The following RREB1 variants were observed in gnomAD, a reference collection of about 807,000 sequenced individuals.
RREB1 encodes ras responsive element binding protein 1, also known as ras-responsive element-binding protein 1.
RREB1 carries 27 observed loss-of-function variants against 117.8 expected under a neutral mutation model. The observed-to-expected ratio is 0.23, with a 90% CI of 0.17 to 0.32. RREB1 has a LOEUF of 0.32. Among genes scored for constraint, RREB1 ranks in the 10% least tolerant of loss-of-function variants. The probability of loss-of-function intolerance (pLI) is 1.00; values close to 1 mark genes in which losing one functional copy is unlikely to be tolerated. For synonymous variants in RREB1, 1,298 were observed against 1,026.7 expected (o/e 1.26, Z -5.05); for missense variants, 2,577 against 2,378.2 (o/e 1.08, Z -1.74).
intron 8 of RREB1, among the ~76,000 whole-genome samples, chr6:7,224,751 C>A (rs1182961450): frequency 2.6e-5 from 4 of 152,154 alleles, no homozygotes; most frequent in Non-Finnish European, 4.4e-5. Flanking sequence ...GTGAGGACTT[C>A]CAGCCCCTAA....
At chr6:7,172,348 C>A (rs1468544843) in intron 1 of RREB1, among the ~76,000 whole-genome samples, 2 of 151,858 alleles carry the variant, frequency 1.3e-5, no homozygotes, top group Non-Finnish European at 2.9e-5. Context: ...TTTGCTGCCC[C>A]CCTTCACCTC....
chr6:7,202,134 C>G (rs1003257973), intron 6 of RREB1, among the ~76,000 whole-genome samples: 2 of 152,164 alleles, frequency 1.3e-5, no homozygotes, highest in African/African-American at 4.8e-5. Context: ...ACACAACATC[C>G]CCAGAGTGGG....
intron 1 of RREB1, among the ~76,000 whole-genome samples, chr6:7,147,091 A>G (rs1235342798): frequency 6.6e-6 from 1 of 152,148 alleles, no homozygotes; most frequent in African/African-American, 2.4e-5. Flanking sequence ...CTCGTGGAGA[A>G]GGTGCCCTGG....
intron 6 of RREB1, among the ~76,000 whole-genome samples, chr6:7,202,866 G>C (rs921047876): frequency 7.9e-5 from 12 of 152,168 alleles, no homozygotes; most frequent in Non-Finnish European, 5.9e-5. Context: ...AGTTCTCTTT[G>C]GGTGAGAGGA....
In RREB1 at chr6:7,248,869, G is replaced by C; in HGVS notation, c.5130G>C (p.Ala1710=). 6.3e-7 allele frequency: 1 copy of C among 1,596,302 alleles called. No homozygotes were observed. The highest frequency in any genetic ancestry group is 8.5e-7 in the Non-Finnish European group (1 of 1,172,210). The change falls in exon 13 of 13, where the codon GCG becomes GCC. Residue 1710 remains alanine (A), a synonymous_variant. Coordinates refer to ENST00000379938, the MANE Select transcript of RREB1 (RefSeq NM_001003699.4). ...GTGACCTTAACCCAGAGAGCCCGGC[G>C]GCCCTGGGGCAGGACCTGCTGGAGC... The part of the protein sequence containing the change: ...GQGDLNPESP[A]ALGQDLLEPR...
chr6:7,231,240 CAAGCCCCCGCTGCTTTTGCCA>C lies in RREB1; in HGVS notation c.3150_3170del (p.Leu1051_Pro1057del). The C allele has an allele frequency of 6.2e-7, 1 of 1,612,476 alleles. No homozygotes were observed. Among genetic ancestry groups the C allele is most frequent in the Non-Finnish European group, 8.5e-7 (1 of 1,179,598 alleles). ...CAGCCTTGCTGCGTCCACTGCGGCC[CAAGCCCCCGCTGCTTTTGCCA>C]AAGCCCCCCGTGACAGAAGAGCTGC... On this transcript the variant is annotated inframe_deletion, in exon 10 of 13. Coordinates refer to ENST00000379938, the MANE Select transcript of RREB1 (RefSeq NM_001003699.4).
intron 1 of RREB1, among the ~76,000 whole-genome samples, chr6:7,161,053 A>T (rs1336594064): frequency 6.6e-6 from 1 of 151,832 alleles, no homozygotes; most frequent in Non-Finnish European, 1.5e-5. Flanking sequence ...CTGATCTCGA[A>T]CTCTAGGGCC....
In RREB1 at chr6:7,229,303, C is replaced by G; in HGVS notation, c.1204C>G (p.Gln402Glu). 6.2e-7 allele frequency: 1 copy of G among 1,614,156 alleles called. No individual in the cohort carries two copies. The highest frequency in any genetic ancestry group is 8.5e-7 in the Non-Finnish European group (1 of 1,180,024). Residue 402 changes from glutamine to glutamate, a missense_variant, in exon 10 of 13, where the codon CAG becomes GAG. Physicochemically the swap from Gln to Glu is conservative, Grantham distance 29. Transcript: ENST00000379938. This position sits in a 1 kb window ranked among gnomAD's most constrained non-coding sequence, Gnocchi z 4.5. ...QLQTLKCQLPQDPGCTNLLSL... is the reference protein window; with the variant it reads ...QLQTLKCQLPEDPGCTNLLSL... Reference sequence around the variant, plus strand: ...CCAGACACTCAAGTGTCAGCTACCTCAGGACCCCGGCTGCACCAACCTGCT... The same window carrying G: ...CCAGACACTCAAGTGTCAGCTACCTGAGGACCCCGGCTGCACCAACCTGCT...
intron 11 of RREB1, among the ~76,000 whole-genome samples, chr6:7,241,748 G>A (rs1768717807): frequency 6.6e-6 from 1 of 152,186 alleles, no homozygotes; most frequent in Admixed American, 6.5e-5. Flanking sequence ...GAAACCAACT[G>A]TGAGTGCTCT....
rs553595624 is a variant in RREB1, at chr6:7,164,654, G to A, written c.-284-12001G>A. On this transcript the variant is annotated intron_variant, in intron 1 of 12. Coordinates refer to ENST00000379938, the MANE Select transcript of RREB1 (RefSeq NM_001003699.4). Reference sequence around the variant, plus strand: ...AAAGAGTGGATTTTGCTGCTATACTGAGTCCTGGATATTCACAGCAAAGCT... The same window carrying A: ...AAAGAGTGGATTTTGCTGCTATACTAAGTCCTGGATATTCACAGCAAAGCT... 3.7e-4 allele frequency among the ~76,000 whole-genome samples: 57 copies of A among 152,232 alleles called. 1 individual carries two copies. The highest frequency in any genetic ancestry group is 7.8e-4 in the Non-Finnish European group (53 of 68,010).
chr6:7,127,316 T>G (rs551066374), intron 1 of RREB1, among the ~76,000 whole-genome samples: 2 of 152,248 alleles, frequency 1.3e-5, no homozygotes, highest in East Asian at 3.9e-4. Flanking sequence ...TTTAGCAAAC[T>G]GCAGTGTGAA....
intron 4 of RREB1, among the ~76,000 whole-genome samples, chr6:7,186,976 GA>G (rs1459538145): frequency 2.6e-5 from 4 of 152,210 alleles, no homozygotes; most frequent in Non-Finnish European, 5.9e-5. Context: ...CTCTTCTGAT[GA>G]GAACCTTGTT....
At chr6:7,224,799 G>A (rs1450820837) in intron 8 of RREB1, among the ~76,000 whole-genome samples, 2 of 152,142 alleles carry the variant, frequency 1.3e-5, no homozygotes, top group Non-Finnish European at 2.9e-5. Context: ...CCTTCCCTGG[G>A]CCTTGACCAC....
At chr6:7,120,904 C>G (rs537329644) in intron 1 of RREB1, among the ~76,000 whole-genome samples, 1 of 150,244 alleles carries the variant, frequency 6.7e-6, no homozygotes, top group South Asian at 2.1e-4. Context: ...ACCGCAGCCT[C>G]TGCCTCCTGC....
At chr6:7,139,968 T>C (rs907234662) in intron 1 of RREB1, among the ~76,000 whole-genome samples, 4 of 152,238 alleles carry the variant, frequency 2.6e-5, no homozygotes, top group African/African-American at 9.6e-5. Context: ...TCAGTAAACA[T>C]TAACTACTTT....
At chr6:7,147,687 GA>G (rs2113412892) in intron 1 of RREB1, among the ~76,000 whole-genome samples, 1 of 152,310 alleles carries the variant, frequency 6.6e-6, no homozygotes, top group Non-Finnish European at 1.5e-5. Context: ...TGCAGTAGGA[GA>G]ACAAAGTGAC....
rs186395787 is a variant in RREB1 at position 7,230,301 on chromosome 6, C to A, written c.2202C>A (p.Ile734=). Reference sequence around the variant, plus strand: ...CCCGCAAGGATATCGAGAAGAACATCGAGTATGTGAGTAGCAGCGCGGCCG... The same window carrying A: ...CCCGCAAGGATATCGAGAAGAACATAGAGTATGTGAGTAGCAGCGCGGCCG... ...KATRKDIEKN[I]EYVSSSAAEL... Residue 734 remains isoleucine, a synonymous_variant, in exon 10 of 13, where the codon ATC becomes ATA. Transcript: ENST00000379938. The A allele has an allele frequency of 6.3e-7, 1 of 1,592,834 alleles. No individual in the cohort carries two copies. The highest frequency in any genetic ancestry group is 2.2e-5 in the East Asian group (1 of 44,728).
intron 5 of RREB1, among the ~76,000 whole-genome samples, 172 bp from the exon 6 acceptor site, chr6:7,188,987 C>G (rs1489378603): frequency 6.6e-6 from 1 of 152,142 alleles, no homozygotes; most frequent in Admixed American, 6.5e-5. Flanking sequence ...TATTTATTTG[C>G]CTGTTTTCCT....
intron 1 of RREB1, among the ~76,000 whole-genome samples, chr6:7,144,502 G>A (rs1045701264): frequency 6.6e-6 from 1 of 152,136 alleles, no homozygotes; most frequent in Non-Finnish European, 1.5e-5. Context: ...AAAGGTGATA[G>A]CATTAATGTT....
Sources: gnomAD v4.1 joint callset for allele counts (sites outside exome capture counted in the v4.1 genomes callset) on GRCh38, gnomAD v4.1.1 for gene constraint, Gnocchi (gnomAD v3.1) non-coding constraint, MANE v1.5 for transcripts, NCBI Gene and HGNC (gene_info 2026-07-23, HGNC 2026-07-21) for gene names.